The following TERF2IP variants were observed in gnomAD, a reference collection of about 807,000 sequenced individuals.
TERF2IP encodes the protein telomeric repeat-binding factor 2-interacting protein 1.
A neutral mutation model predicts 33.3 loss-of-function variants in TERF2IP; 35 were observed. The observed-to-expected ratio is 1.05, with a 90% confidence interval of 0.80 to 1.39. The LOEUF is 1.39. Ranked by LOEUF, TERF2IP falls within the 40% of genes most tolerant of loss-of-function variation. The pLI, the probability that TERF2IP is intolerant of heterozygous loss-of-function variation, is 0.00. For synonymous variants in TERF2IP, 253 were observed against 223.2 expected, an observed-to-expected ratio of 1.13 and a Z score of -1.19; for missense variants, 583 against 524.8, an observed-to-expected ratio of 1.11 and a Z score of -1.08.
chr16:75,656,728 C>T lies in TERF2IP; in HGVS notation c.*117C>T, dbSNP rs976187065. The T allele has an allele frequency of 9.8e-5, 95 of 971,630 alleles. 1 individual carries two copies. The highest frequency in any genetic ancestry group is 1.3e-4 in the Non-Finnish European group (89 of 661,300). 60.2% of individuals were successfully genotyped at this position (971,630 alleles called of 1,614,324 possible). A position where few individuals can be genotyped will look rare whatever the true frequency, so the allele number is the denominator to read the frequency against. ...GAACTGGCACTTATTTTCTGACCAT[C>T]GCTGCTGTTGCTCTGTGAGTCCTAG... is the stretch of plus-strand genomic sequence containing the variant. On this transcript the variant is annotated 3_prime_UTR_variant, in exon 3 of 3. Transcript: ENST00000300086.
chr16:75,656,046 G>A (rs1198428177), intron 2 of TERF2IP, among the ~76,000 whole-genome samples, 161 bp from the exon 3 acceptor site: 1 of 152,012 alleles, frequency 6.6e-6, no homozygotes, highest in Admixed American at 6.6e-5. Context: ...CATCTGACAT[G>A]AATAAATGTA....
At chr16:75,651,010 A>G (rs2082343162) in intron 1 of TERF2IP, among the ~76,000 whole-genome samples, 2 of 152,230 alleles carry the variant, frequency 1.3e-5, no homozygotes, top group Admixed American at 6.5e-5. Context: ...GAATGAATAT[A>G]TCAGTATGGT....
At chr16:75,655,573 T>C (rs2082378443) in intron 2 of TERF2IP, among the ~76,000 whole-genome samples, 2 of 152,252 alleles carry the variant, frequency 1.3e-5, no homozygotes, top group African/African-American at 4.8e-5. Flanking sequence ...GTCTGTTTTA[T>C]TATTTGATAT....
At chr16:75,649,092 C>T (rs2082327096) in intron 1 of TERF2IP, among the ~76,000 whole-genome samples, 1 of 151,844 alleles carries the variant, frequency 6.6e-6, no homozygotes, top group South Asian at 2.1e-4. Context: ...GTCTCGAACT[C>T]TTGGGCTCAA....
chr16:75,652,567 A>G (rs955700746), intron 1 of TERF2IP, among the ~76,000 whole-genome samples: 1 of 152,206 alleles, frequency 6.6e-6, no homozygotes, highest in Admixed American at 6.5e-5. Context: ...ACATCATATC[A>G]TTTTATCTAT....
chr16:75,655,984 C>G (rs1483388379), intron 2 of TERF2IP, among the ~76,000 whole-genome samples: 1 of 147,938 alleles, frequency 6.8e-6, no homozygotes, highest in Non-Finnish European at 1.5e-5. Flanking sequence ...ACCCCTCACA[C>G]ACACGTGCAC....
At chr16:75,648,693 A>C in intron 1 of TERF2IP, 141 bp downstream of exon 1, 1 of 1,432,146 alleles carries the variant, frequency 7.0e-7, no homozygotes. Flanking sequence ...GTAAATTTGC[A>C]CCATTTTCTT....
chr16:75,650,698 G>A (rs1163094436), intron 1 of TERF2IP, among the ~76,000 whole-genome samples: 1 of 152,034 alleles, frequency 6.6e-6, no homozygotes, highest in African/African-American at 2.4e-5. Context: ...ACCATACCTA[G>A]CTAATTTTTG....
chr16:75,648,601 T>C lies in TERF2IP; in HGVS notation c.670+49T>C, dbSNP rs373485601. 8.8e-6 allele frequency: 13 copies of C among 1,469,644 alleles called. No individual in the cohort carries two copies. The Admixed American group carries it at 9.5e-5, about 11-fold the overall frequency. The allele number at this position is 1,469,644 out of a possible 1,614,324, so 91.0% of individuals were successfully genotyped here. A position where few individuals can be genotyped will look rare whatever the true frequency, so the allele number is the denominator to read the frequency against. ...TCGCGGATATCTGCGCGGGTGGGGT[T>C]GGGATCTTTCTCCTGGCTGCCTGGC... On this transcript the variant is annotated intron_variant, in intron 1 of 2. Coordinates refer to ENST00000300086, the MANE Select transcript of TERF2IP (RefSeq NM_018975.4).
intron 1 of TERF2IP, among the ~76,000 whole-genome samples, chr16:75,651,460 G>A (rs2082346612): frequency 6.6e-6 from 1 of 152,174 alleles, no homozygotes; most frequent in African/African-American, 2.4e-5. Context: ...AGGCCAAGGT[G>A]GCAGACCACT....
intron 1 of TERF2IP, among the ~76,000 whole-genome samples, chr16:75,650,364 G>A (rs981493181): frequency 6.6e-6 from 1 of 152,102 alleles, no homozygotes; most frequent in Admixed American, 6.5e-5. Context: ...AAGAAGCCAG[G>A]GCAATCGCCC....
Position 75,656,366 on chromosome 16 carries a change from C to A in TERF2IP, c.955C>A (p.Arg319=), listed in dbSNP as rs761365984. 1 of 1,614,016 alleles carries A rather than the reference C, an allele frequency of 6.2e-7. No homozygotes were observed. Among genetic ancestry groups the A allele is most frequent in the Admixed American group, 1.7e-5 (1 of 60,002 alleles). ...PEVGAAIKII[R]QLMEKFNLDL... is the part of the protein sequence containing the mutation. ...GGTGGGAGCTGCCATTAAGATCATT[C>A]GGCAGTTAATGGAGAAGTTTAACTT... The change falls in exon 3 of 3, where the codon CGG becomes AGG. Residue 319 remains arginine, a synonymous_variant. Coordinates refer to ENST00000300086, the MANE Select transcript of TERF2IP (RefSeq NM_018975.4).
rs759569383 is a variant in TERF2IP at position 75,647,847 on chromosome 16, AG to A, written c.-31del. 3.1e-6 allele frequency: 5 copies of A among 1,595,990 alleles called. No individual in the cohort carries two copies. The African/African-American group carries it at 5.4e-5, about 17-fold the overall frequency. On this transcript the variant is annotated 5_prime_UTR_variant, in exon 1 of 3. Transcript: ENST00000300086. The stretch of plus-strand genomic sequence containing the variant: ...GAGCTCTGTGTGCCAGGCGCTCGCG[AG>A]GGGGTAGCTCTTCTAGTAGTGCTCG...
At chr16:75,649,023 C>G (rs558004157) in intron 1 of TERF2IP, among the ~76,000 whole-genome samples, 13 of 151,144 alleles carry the variant, frequency 8.6e-5, no homozygotes, top group Non-Finnish European at 1.3e-4. Context: ...CACCACGTCC[C>G]GCTAAATTAA....
chr16:75,654,413 T>G lies in TERF2IP; in HGVS notation c.795+16T>G, dbSNP rs766874013. 3.1e-6 allele frequency: 5 copies of G among 1,607,902 alleles called. No individual in the cohort carries two copies. The Admixed American group carries it at 8.4e-5, about 27-fold the overall frequency. ...GGAGGTTGTGGTATGTTAACTAGAT[T>G]TACTCATTATTTTTTTCCCTACCTT... is the stretch of plus-strand genomic sequence containing the variant. On this transcript the variant is annotated intron_variant, in intron 2 of 2. Transcript: ENST00000300086.
intron 1 of TERF2IP, 131 bp downstream of exon 1, chr16:75,648,683 G>A (rs1192959967): frequency 7.0e-7 from 1 of 1,433,432 alleles, no homozygotes; most frequent in Non-Finnish European, 9.1e-7. Flanking sequence ...TGACATCCGG[G>A]TAAATTTGCA....
chr16:75,655,517 G>A (rs1567510917), intron 2 of TERF2IP, among the ~76,000 whole-genome samples: 1 of 152,160 alleles, frequency 6.6e-6, no homozygotes, highest in Non-Finnish European at 1.5e-5. Flanking sequence ...AGGAATTGAA[G>A]GGATGCACAG....
Position 75,656,469 on chromosome 16 carries a change from G to C in TERF2IP, c.1058G>C (p.Gly353Ala). 6.2e-7 allele frequency: 1 copy of C among 1,614,184 alleles called. No homozygotes were observed. The highest frequency in any genetic ancestry group is 8.5e-7 in the Non-Finnish European group (1 of 1,180,036). ...LEATSAFLASGQRADGYPIWS... is the reference protein window; with the variant it reads ...LEATSAFLASAQRADGYPIWS... ...GCTACTTCCGCCTTCTTAGCGTCTGGTCAGAGAGCTGATGGATATCCCATT... is the reference window on the plus strand; with the variant it reads ...GCTACTTCCGCCTTCTTAGCGTCTGCTCAGAGAGCTGATGGATATCCCATT... The change falls in exon 3 of 3, where the codon GGT (glycine) becomes GCT (alanine). Residue 353 changes from glycine (G) to alanine (A), a missense_variant. Transcript: ENST00000300086.
intron 1 of TERF2IP, among the ~76,000 whole-genome samples, chr16:75,653,155 A>T (rs1025508253): frequency 2.0e-5 from 3 of 152,146 alleles, no homozygotes; most frequent in Non-Finnish European, 4.4e-5. Context: ...TTGTTTTTCC[A>T]TTAATGTATC....
Sources: gnomAD v4.1 joint callset for allele counts (sites outside exome capture counted in the v4.1 genomes callset) on GRCh38, gnomAD v4.1.1 for gene constraint, MANE v1.5 for transcripts, NCBI Gene and HGNC (gene_info 2026-07-23, HGNC 2026-07-21) for gene names.